Variants in CNNM2 observed in about 807,000 individuals in gnomAD.
CNNM2 encodes metal transporter CNNM2.
In CNNM2, 12 loss-of-function variants were observed where a neutral mutation model predicts 66.9. The observed-to-expected ratio is 0.18, with a 90% confidence interval of 0.11 to 0.29. CNNM2 has a LOEUF of 0.29. Among genes scored for constraint, CNNM2 ranks in the 10% least tolerant of loss-of-function variants. The pLI is 1.00. For synonymous variants in CNNM2, 557 were observed against 501.8 expected, an observed-to-expected ratio of 1.11 and a Z score of -1.47; for missense variants, 705 against 1,167.7, an observed-to-expected ratio of 0.60 and a Z score of 5.77.
chr10:102,962,961 G>A (rs1336930233), intron 1 of CNNM2, among the ~76,000 whole-genome samples: 3 of 152,118 alleles, frequency 2.0e-5, no homozygotes, highest in East Asian at 3.9e-4. Flanking sequence ...ACAACATATT[G>A]TACTTAATGG....
In CNNM2 at chr10:103,082,552, T is replaced by G. The variant is rs887989723; in HGVS notation, c.*5372T>G. ...ATGCTTTATTTTATATTATTTATTATGTACATATGCCTGTTAGTACTTCGT... is the reference window on the plus strand; with the variant it reads ...ATGCTTTATTTTATATTATTTATTAGGTACATATGCCTGTTAGTACTTCGT... On this transcript the variant is annotated 3_prime_UTR_variant, in exon 8 of 8. Transcript: ENST00000369878. 3.9e-5 allele frequency: 6 copies of G among 152,250 alleles called. No homozygotes were observed. Among genetic ancestry groups the G allele is most frequent in the Admixed American group, 2.6e-4 (4 of 15,284 alleles). 9.4% of individuals were successfully genotyped at this position (152,250 alleles called of 1,614,324 possible). A position where few individuals can be genotyped will look rare whatever the true frequency, so the allele number is the denominator to read the frequency against.
chr10:103,040,907 G>T (rs1021316790), intron 1 of CNNM2, among the ~76,000 whole-genome samples: 1 of 152,190 alleles, frequency 6.6e-6, no homozygotes, highest in Admixed American at 6.5e-5. Flanking sequence ...CCTGAACTAA[G>T]ATTCCAGATA....
intron 4 of CNNM2, among the ~76,000 whole-genome samples, chr10:103,064,701 A>G (rs2065446157): frequency 6.6e-6 from 1 of 152,148 alleles, no homozygotes; most frequent in African/African-American, 2.4e-5. Flanking sequence ...TTAGCTGGGC[A>G]TGGTGGTGCA....
chr10:103,068,859 A>G, intron 5 of CNNM2, 137 bp downstream of exon 5: 3 of 638,026 alleles, frequency 4.7e-6, no homozygotes, highest in Non-Finnish European at 8.2e-6. Context: ...AGTATATCAT[A>G]TATGCAGAAA....
chr10:102,964,734 C>T (rs1243660797), intron 1 of CNNM2, among the ~76,000 whole-genome samples: 2 of 152,118 alleles, frequency 1.3e-5, no homozygotes, highest in African/African-American at 4.8e-5. Context: ...TTGGTCTTCT[C>T]ATCTTTAAAA....
intron 1 of CNNM2, among the ~76,000 whole-genome samples, chr10:102,931,442 C>T (rs751648784): frequency 4.0e-5 from 6 of 151,546 alleles, no homozygotes; most frequent in Non-Finnish European, 2.9e-5. Flanking sequence ...CCGCAACCTC[C>T]GCCTTCCCGG....
intron 1 of CNNM2, among the ~76,000 whole-genome samples, chr10:102,935,848 GC>G (rs1029979750): frequency 2.0e-5 from 3 of 146,430 alleles, no homozygotes; most frequent in African/African-American, 5.1e-5. Context: ...TTAACTCCTG[GC>G]CTCAAGCAGT....
intron 1 of CNNM2, among the ~76,000 whole-genome samples, chr10:103,046,645 A>T (rs2065131399): frequency 6.6e-6 from 1 of 152,226 alleles, no homozygotes; most frequent in South Asian, 2.1e-4. Flanking sequence ...TATTAATAAA[A>T]ATATTTTCTA....
At position 102,954,126 on chromosome 10, in the gene CNNM2, CTTTTTTT is replaced by C. The variant is rs35543663; in HGVS notation, c.1621+34036_1621+34042del. On this transcript the variant is annotated intron_variant, in intron 1 of 7. Coordinates refer to ENST00000369878, the MANE Select transcript of CNNM2 (RefSeq NM_017649.5). The stretch of plus-strand genomic sequence containing the variant: ...TTGTATTTTTCTTTTCTTTTCTTTT[CTTTTTTT>C]TTTTTTTTTTGAGACAGGGTTTCCC... Among the ~76,000 whole-genome samples the C allele has an allele frequency of 9.8e-5, 13 of 133,068 alleles. No individual in the cohort carries two copies. The highest frequency in any genetic ancestry group is 4.8e-4 in the South Asian group (2 of 4,172). 87.3% of individuals were successfully genotyped at this position (133,068 alleles called of 152,430 possible).
At chr10:102,934,170 A>G (rs572837406) in intron 1 of CNNM2, among the ~76,000 whole-genome samples, 12 of 151,914 alleles carry the variant, frequency 7.9e-5, no homozygotes, top group African/African-American at 2.9e-4. Context: ...GTCCCAGATT[A>G]GATAGGAAAA....
At chr10:103,066,842 G>A (rs2065487070) in intron 4 of CNNM2, among the ~76,000 whole-genome samples, 1 of 152,218 alleles carries the variant, frequency 6.6e-6, no homozygotes, top group South Asian at 2.1e-4. Flanking sequence ...CGACTCCACA[G>A]TGTCATCTCT....
At chr10:102,953,844 A>C (rs528016475) in intron 1 of CNNM2, among the ~76,000 whole-genome samples, 4 of 152,306 alleles carry the variant, frequency 2.6e-5, no homozygotes, top group Non-Finnish European at 5.9e-5. Flanking sequence ...TACAGGCATG[A>C]GCCACTGTGC....
intron 1 of CNNM2, among the ~76,000 whole-genome samples, chr10:103,019,066 G>A (rs916807457): frequency 6.6e-6 from 1 of 151,568 alleles, no homozygotes; most frequent in African/African-American, 2.4e-5. Context: ...CCAGGAGTTA[G>A]AGACCAGCCT....
At position 102,918,748 on chromosome 10, in the gene CNNM2, G is replaced by C. The variant is rs1845518291; in HGVS notation, c.268G>C (p.Gly90Arg). Reference sequence around the variant, plus strand: ...CACGAACGACGTGTCGTTCATGGAAGGGGGGGCGCTGCGGGTGAGCGAACG... The same window carrying C: ...CACGAACGACGTGTCGTTCATGGAACGGGGGGCGCTGCGGGTGAGCGAACG... ...EDTNDVSFME[G>R]GALRVSERTR... The change falls in exon 1 of 8, where the codon GGG (glycine) becomes CGG (arginine). Residue 90 changes from glycine to arginine, a missense_variant. Physicochemically the swap from Gly to Arg is moderately radical, Grantham distance 125. Transcript: ENST00000369878. The surrounding 1 kb of genome is among the most constrained non-coding windows in gnomAD (Gnocchi z 4.1). The C allele has an allele frequency of 6.3e-7, 1 of 1,589,674 alleles. No individual in the cohort carries two copies. Among genetic ancestry groups the C allele is most frequent in the Non-Finnish European group, 8.6e-7 (1 of 1,168,948 alleles).
intron 1 of CNNM2, among the ~76,000 whole-genome samples, chr10:103,041,093 T>C (rs1176285971): frequency 6.6e-6 from 1 of 152,000 alleles, no homozygotes; most frequent in African/African-American, 2.4e-5. Context: ...ACATGGAGGG[T>C]GTTCGCCTTG....
intron 1 of CNNM2, among the ~76,000 whole-genome samples, chr10:103,017,756 A>G (rs1226263309): frequency 6.6e-6 from 1 of 152,024 alleles, no homozygotes; most frequent in Non-Finnish European, 1.5e-5. Flanking sequence ...ACCTGAGGTC[A>G]GGAATTCAAG....
At chr10:103,063,622 G>A (rs1218328400) in intron 4 of CNNM2, among the ~76,000 whole-genome samples, 1 of 152,180 alleles carries the variant, frequency 6.6e-6, no homozygotes, top group Non-Finnish European at 1.5e-5. Flanking sequence ...TGATACCTTT[G>A]TCCAAAGAAG....
At chr10:103,068,955 G>A (rs558202044) in intron 5 of CNNM2, among the ~76,000 whole-genome samples, 83 of 152,308 alleles carry the variant, frequency 5.4e-4, no homozygotes, top group South Asian at 3.5e-3. Flanking sequence ...GAGACAGGAC[G>A]TTACCAGCCC....
rs566123978 is a variant in CNNM2 at position 103,008,376 on chromosome 10, T to C, written c.1622-41331T>C. 9.2e-5 allele frequency among the ~76,000 whole-genome samples: 14 copies of C among 152,346 alleles called. No individual in the cohort carries two copies. In the South Asian group the frequency reaches 2.9e-3, roughly 32 times the overall value. On this transcript the variant is annotated intron_variant, in intron 1 of 7. Transcript: ENST00000369878. ...GTGCAGGCCCTTCCAAACATGGGGC[T>C]TGTGTGATGGCATGTGTTGTATACT... is the stretch of plus-strand genomic sequence containing the variant.
Sources: allele counts gnomAD v4.1 joint callset (sites outside exome capture counted in the v4.1 genomes callset), GRCh38; gene constraint gnomAD v4.1.1; non-coding constraint Gnocchi (gnomAD v3.1); transcripts MANE v1.5; gene names NCBI Gene and HGNC (gene_info 2026-07-23, HGNC 2026-07-21).